Variants in AIG1 observed in about 807,000 individuals in gnomAD.
AIG1 encodes the protein androgen induced 1.
In AIG1, 23 loss-of-function variants were observed where a neutral mutation model predicts 31.4. The observed-to-expected ratio is 0.73, with a 90% CI of 0.53 to 1.04. The LOEUF (loss-of-function observed/expected upper bound fraction) is 1.04, where lower values mean the gene tolerates loss of function less well. AIG1 is among the 50% of genes least tolerant of loss of function. The probability of loss-of-function intolerance (pLI) is 0.00; values close to 1 mark genes in which losing one functional copy is unlikely to be tolerated. For synonymous variants in AIG1, 100 were observed against 110.5 expected (o/e 0.90, Z 0.60); for missense variants, 274 against 295.0 (o/e 0.93, Z 0.52).
intron 3 of AIG1, among the ~76,000 whole-genome samples, chr6:143,219,258 T>C (rs1183808241): frequency 6.6e-6 from 1 of 152,222 alleles, no homozygotes; most frequent in African/African-American, 2.4e-5. Context: ...AGGTTGCTGC[T>C]AATTAGCTAA....
At chr6:143,137,725 T>G (rs745370495) in intron 2 of AIG1, among the ~76,000 whole-genome samples, 50 of 152,224 alleles carry the variant, frequency 3.3e-4, no homozygotes, top group Non-Finnish European at 4.4e-4. Context: ...TGTCTGCACA[T>G]AAACCATGTT....
intron 1 of AIG1, among the ~76,000 whole-genome samples, chr6:143,102,234 G>A (rs2128484116): frequency 6.6e-6 from 1 of 151,700 alleles, no homozygotes; most frequent in East Asian, 1.9e-4. Context: ...TTGTGGATAT[G>A]TGGTGCTAAT....
intron 2 of AIG1, among the ~76,000 whole-genome samples, chr6:143,147,798 C>A (rs1016279359): frequency 3.3e-5 from 5 of 152,120 alleles, no homozygotes; most frequent in African/African-American, 9.7e-5. Context: ...GGCTTCTCAC[C>A]GTAGCCCTTC....
At chr6:143,143,074 G>GA (rs1291706647) in intron 2 of AIG1, among the ~76,000 whole-genome samples, 2 of 151,854 alleles carry the variant, frequency 1.3e-5, no homozygotes, top group African/African-American at 4.8e-5. Flanking sequence ...TGGGAAACCA[G>GA]AAAATTAATA....
chr6:143,286,503 A>G (rs1797688115), intron 4 of AIG1, among the ~76,000 whole-genome samples: 1 of 152,168 alleles, frequency 6.6e-6, no homozygotes. Context: ...AATGGCCCTC[A>G]CGTCATGTCC....
chr6:143,284,102 T>C lies in AIG1; in HGVS notation c.400-8T>C, dbSNP rs1381714043. On this transcript the variant is annotated splice_polypyrimidine_tract_variant and splice_region_variant and intron_variant, in intron 3 of 5. Transcript: ENST00000357847. This position sits in a 1 kb window ranked among gnomAD's most constrained non-coding sequence, Gnocchi z 4.4. ...AATCTGTGTCACCTAGTCTCTGTTATTTTCCAGCACACGACGGTTCTGCCC... is the reference window on the plus strand; with the variant it reads ...AATCTGTGTCACCTAGTCTCTGTTACTTTCCAGCACACGACGGTTCTGCCC... 6.2e-7 allele frequency: 1 copy of C among 1,605,066 alleles called. No individual in the cohort carries two copies. The highest frequency in any genetic ancestry group is 1.3e-5 in the African/African-American group (1 of 74,794).
intron 4 of AIG1, among the ~76,000 whole-genome samples, chr6:143,313,394 A>G (rs553817517): frequency 2.6e-5 from 4 of 152,316 alleles, no homozygotes; most frequent in South Asian, 4.1e-4. Flanking sequence ...AGGTTCTGCC[A>G]TTTGCAACAA....
At chr6:143,143,548 T>TATATATATATATATAC (rs1357963834) in intron 2 of AIG1, among the ~76,000 whole-genome samples, 1 of 115,108 alleles carries the variant, frequency 8.7e-6, no homozygotes, top group African/African-American at 3.9e-5. Flanking sequence ...TATATATATA[T>TATATATATATATATAC]ATATATACAC....
chr6:143,120,131 T>A lies in AIG1; in HGVS notation c.142-16704T>A, dbSNP rs144846177. Reference sequence around the variant, plus strand: ...GTATTTTTAGCAGAGATGGGGTCTCTCCATATTGGTCAGGCTGATCTCGAA... The same window carrying A: ...GTATTTTTAGCAGAGATGGGGTCTCACCATATTGGTCAGGCTGATCTCGAA... On this transcript the variant is annotated intron_variant, in intron 1 of 5. Transcript: ENST00000357847. Among the ~76,000 whole-genome samples the A allele has an allele frequency of 9.5e-3, 1,447 of 152,150 alleles. 16 individuals carry two copies. Among genetic ancestry groups the A allele is most frequent in the African/African-American group, 0.024 (1,007 of 41,500 alleles).
chr6:143,113,282 A>G (rs1781446482), intron 1 of AIG1, among the ~76,000 whole-genome samples: 1 of 152,038 alleles, frequency 6.6e-6, no homozygotes, highest in South Asian at 2.1e-4. Context: ...GATTCATTCT[A>G]CTTTTTCAGA....
At chr6:143,151,429 T>C (rs1306855249) in intron 2 of AIG1, among the ~76,000 whole-genome samples, 1 of 152,230 alleles carries the variant, frequency 6.6e-6, no homozygotes, top group African/African-American at 2.4e-5. Context: ...TCTTTTCCCA[T>C]TGCAAATTAT....
chr6:143,255,246 T>C (rs1462571972), intron 3 of AIG1, among the ~76,000 whole-genome samples: 1 of 152,204 alleles, frequency 6.6e-6, no homozygotes, highest in African/African-American at 2.4e-5. Flanking sequence ...CTTTCAGTTA[T>C]GAGGTATATT....
chr6:143,082,150 A>G (rs1778320740), intron 1 of AIG1, among the ~76,000 whole-genome samples: 2 of 152,134 alleles, frequency 1.3e-5, no homozygotes, highest in South Asian at 4.1e-4. Context: ...GTCTGTATAT[A>G]TTTACCCTTT....
intron 2 of AIG1, among the ~76,000 whole-genome samples, chr6:143,160,116 C>T (rs1262544060): frequency 1.3e-5 from 2 of 152,182 alleles, no homozygotes; most frequent in Non-Finnish European, 2.9e-5. Flanking sequence ...CCCCTCTTCC[C>T]TCTGTCCTTC....
intron 3 of AIG1, chr6:143,190,622 T>C (rs1185512788): frequency 2.0e-6 from 2 of 985,342 alleles, no homozygotes; most frequent in Admixed American, 1.2e-4. Flanking sequence ...CTGGCACAGA[T>C]CCTCCAGTTG....
At chr6:143,179,745 G>T (rs565274369) in intron 3 of AIG1, among the ~76,000 whole-genome samples, 3 of 152,036 alleles carry the variant, frequency 2.0e-5, no homozygotes, top group Admixed American at 6.5e-5. Flanking sequence ...CAATCTTTTT[G>T]TATAAATACT....
intron 3 of AIG1, among the ~76,000 whole-genome samples, chr6:143,245,680 C>T (rs1246887878): frequency 6.6e-6 from 1 of 152,164 alleles, no homozygotes; most frequent in Non-Finnish European, 1.5e-5. Context: ...AGAATCATTT[C>T]AGTGTTTCTA....
intron 1 of AIG1, among the ~76,000 whole-genome samples, chr6:143,107,178 C>A (rs781035498): frequency 6.6e-6 from 1 of 152,084 alleles, no homozygotes; most frequent in Non-Finnish European, 1.5e-5. Flanking sequence ...GTTTTTATAA[C>A]GTAGCACTGT....
In AIG1 at chr6:143,082,897, C is replaced by T. The variant is rs566714862; in HGVS notation, c.141+21831C>T. ...GGCCCTACTTTAGGACCTGAAAAGCCACTTCTGCTTCAGGTGTCTATCTTA... is the reference window on the plus strand; with the variant it reads ...GGCCCTACTTTAGGACCTGAAAAGCTACTTCTGCTTCAGGTGTCTATCTTA... On this transcript the variant is annotated intron_variant, in intron 1 of 5. Coordinates refer to ENST00000357847, the MANE Select transcript of AIG1 (RefSeq NM_016108.4). 1.2e-4 allele frequency among the ~76,000 whole-genome samples: 18 copies of T among 152,328 alleles called. No homozygotes were observed. The South Asian group carries it at 3.7e-3, about 32-fold the overall frequency.
Sources: gnomAD v4.1 joint callset for allele counts (sites outside exome capture counted in the v4.1 genomes callset) on GRCh38, gnomAD v4.1.1 for gene constraint, Gnocchi (gnomAD v3.1) non-coding constraint, MANE v1.5 for transcripts, NCBI Gene and HGNC (gene_info 2026-07-23, HGNC 2026-07-21) for gene names.